Variants in MALT1 observed in about 807,000 individuals in gnomAD.
The protein encoded by MALT1 is mucosa-associated lymphoid tissue lymphoma translocation protein 1.
Under a neutral mutation model 85.5 loss-of-function variants are expected in MALT1, and 36 were observed. That is an observed-to-expected ratio of 0.42 (90% CI 0.32 to 0.56). The LOEUF (loss-of-function observed/expected upper bound fraction) is 0.56. MALT1 is among the 20% of genes least tolerant of loss of function. MALT1 has a pLI of 0.10. For missense variants in MALT1, 716 were observed against 981.6 expected (o/e 0.73, Z 3.62); for synonymous variants, 359 against 361.3 (o/e 0.99, Z 0.07).
At chr18:58,679,040 C>T (rs2054281443) in intron 1 of MALT1, among the ~76,000 whole-genome samples, 1 of 152,180 alleles carries the variant, frequency 6.6e-6, no homozygotes, top group Admixed American at 6.5e-5. Flanking sequence ...GAAAGTTTTT[C>T]TGTCGTTGAT....
chr18:58,704,786 TG>T (rs1183008887), intron 4 of MALT1, among the ~76,000 whole-genome samples: 2 of 150,674 alleles, frequency 1.3e-5, no homozygotes, highest in East Asian at 3.9e-4. Flanking sequence ...GTATAGTATA[TG>T]TTTTTCATTC....
chr18:58,703,604 G>A (rs904441042), intron 4 of MALT1, among the ~76,000 whole-genome samples: 5 of 152,110 alleles, frequency 3.3e-5, no homozygotes, highest in African/African-American at 1.2e-4. Context: ...GCAAACAGGG[G>A]AAATGCCAGA....
At chr18:58,690,180 C>T (rs1386200471) in intron 2 of MALT1, among the ~76,000 whole-genome samples, 1 of 152,196 alleles carries the variant, frequency 6.6e-6, no homozygotes, top group African/African-American at 2.4e-5. Context: ...ACCTTGGTAA[C>T]TCTTACAATA....
intron 3 of MALT1, among the ~76,000 whole-genome samples, chr18:58,698,700 A>G (rs1373566899): frequency 6.6e-6 from 1 of 152,234 alleles, no homozygotes; most frequent in Non-Finnish European, 1.5e-5. Flanking sequence ...GTGTGCATGC[A>G]AGAGCTTTCA....
chr18:58,715,809 A>T, intron 8 of MALT1, 126 bp from the exon 9 acceptor site: 1 of 708,556 alleles, frequency 1.4e-6, no homozygotes, highest in Non-Finnish European at 2.5e-6. Flanking sequence ...TGTTTTTATT[A>T]AAAATCTGAA....
chr18:58,709,006 A>G (rs1315926083), intron 4 of MALT1, among the ~76,000 whole-genome samples: 1 of 152,230 alleles, frequency 6.6e-6, no homozygotes, highest in Non-Finnish European at 1.5e-5. Flanking sequence ...AAATGCCAAT[A>G]TCGTTCAAGA....
intron 1 of MALT1, 112 bp from the exon 2 acceptor site, chr18:58,681,058 C>G: frequency 1.3e-6 from 1 of 794,464 alleles, no homozygotes; most frequent in Non-Finnish European, 2.0e-6. Context: ...TTTGTCACCA[C>G]CCACCCACTC....
At chr18:58,692,505 G>A (rs1305901960) in intron 2 of MALT1, among the ~76,000 whole-genome samples, 2 of 131,364 alleles carry the variant, frequency 1.5e-5, no homozygotes, top group Admixed American at 1.7e-4. Context: ...TCCCTCTTTG[G>A]GCCTCCCTAT....
Position 58,694,495 on chromosome 18 carries a change from AAGT to A in MALT1, c.377-1868_377-1866del, listed in dbSNP as rs139594252. Among the ~76,000 whole-genome samples, 322 of 152,380 alleles carry A rather than the reference AAGT, an allele frequency of 2.1e-3. 2 individuals carry two copies. The highest frequency in any genetic ancestry group is 7.0e-3 in the African/African-American group (293 of 41,586). The stretch of plus-strand genomic sequence containing the variant: ...CAGTATAGACAAGGAAAGAAAATAA[AAGT>A]AGGTGCAGGAAATTAAGTTTTATAA... On this transcript the variant is annotated intron_variant, in intron 2 of 16. Coordinates refer to ENST00000649217, the MANE Select transcript of MALT1 (RefSeq NM_006785.4).
intron 16 of MALT1, among the ~76,000 whole-genome samples, chr18:58,746,269 T>C (rs2055365666): frequency 6.6e-6 from 1 of 152,220 alleles, no homozygotes; most frequent in Non-Finnish European, 1.5e-5. Flanking sequence ...TCCTCCCTTC[T>C]TGGTCTCCCA....
rs147223821 is a variant in MALT1 at position 58,748,500 on chromosome 18, T to C, written c.*658T>C. ...TTTAGTTAAGAGGTTTGTATATAAA[T>C]CTGTTATAGAACAGGCTGAAATTTC... On this transcript the variant is annotated 3_prime_UTR_variant, in exon 17 of 17. Coordinates refer to ENST00000649217, the MANE Select transcript of MALT1 (RefSeq NM_006785.4). 1 of 184,966 alleles carries C rather than the reference T, an allele frequency of 5.4e-6. No homozygotes were observed. Among genetic ancestry groups the C allele is most frequent in the Non-Finnish European group, 1.1e-5 (1 of 86,958 alleles). 11.5% of individuals were successfully genotyped at this position (184,966 alleles called of 1,614,324 possible). A position where few individuals can be genotyped will look rare whatever the true frequency, so the allele number is the denominator to read the frequency against.
chr18:58,671,821 C>T lies in MALT1; in HGVS notation c.178C>T (p.Leu60=). ...EGRGWRRLAE[L]AGSRGRLRLS... ...CCGGGGCTGGAGGAGACTGGCGGAG[C>T]TGGCGGGGAGTCGCGGGCGCCTCCG... The change falls in exon 1 of 17, where the codon CTG becomes TTG. Residue 60 remains leucine, a synonymous_variant. Coordinates refer to ENST00000649217, the MANE Select transcript of MALT1 (RefSeq NM_006785.4). 8.1e-7 allele frequency: 1 copy of T among 1,233,470 alleles called. No homozygotes were observed. Among genetic ancestry groups the T allele is most frequent in the African/African-American group, 1.6e-5 (1 of 64,012 alleles). 76.4% of individuals were successfully genotyped at this position (1,233,470 alleles called of 1,614,324 possible). A position where few individuals can be genotyped will look rare whatever the true frequency, so the allele number is the denominator to read the frequency against.
chr18:58,692,136 C>G (rs946391981), intron 2 of MALT1: 8 of 150,894 alleles, frequency 5.3e-5, no homozygotes, highest in Non-Finnish European at 1.2e-4. Context: ...GTTTTTAGCT[C>G]TGTATTTACA....
At position 58,741,908 on chromosome 18, in the gene MALT1, G is replaced by A; in HGVS notation, c.1647G>A (p.Glu549=). ...TTACCAAAGGCAAACAGGCTCTAGA[G>A]ATTCGAAGTAGTTTATCTGAGAAGA... ...CHLTKGKQAL[E]IRSSLSEKRA... The change falls in exon 14 of 17, where the codon GAG becomes GAA. Residue 549 remains glutamate, a synonymous_variant. Transcript: ENST00000649217. The A allele has an allele frequency of 6.4e-7, 1 of 1,564,668 alleles. No individual in the cohort carries two copies. The highest frequency in any genetic ancestry group is 1.2e-5 in the South Asian group (1 of 85,390).
chr18:58,743,578 A>C (rs967053648), intron 14 of MALT1, among the ~76,000 whole-genome samples: 1 of 152,304 alleles, frequency 6.6e-6, no homozygotes, highest in African/African-American at 2.4e-5. Flanking sequence ...CATAAAACAA[A>C]ATGAAAAGGT....
At chr18:58,726,044 A>AAGCG (rs2144432890) in intron 10 of MALT1, among the ~76,000 whole-genome samples, 1 of 152,240 alleles carries the variant, frequency 6.6e-6, no homozygotes, top group African/African-American at 2.4e-5. Flanking sequence ...CTGGGCAACA[A>AAGCG]AGCGAGACTC....
At chr18:58,728,918 A>G (rs2055104884) in intron 10 of MALT1, among the ~76,000 whole-genome samples, 2 of 152,116 alleles carry the variant, frequency 1.3e-5, no homozygotes, top group Non-Finnish European at 2.9e-5. Context: ...AGCCAGACGT[A>G]TTACCTGACA....
At chr18:58,726,197 G>A (rs1183377346) in intron 10 of MALT1, among the ~76,000 whole-genome samples, 1 of 152,100 alleles carries the variant, frequency 6.6e-6, no homozygotes, top group Non-Finnish European at 1.5e-5. Flanking sequence ...AAAATAAAGA[G>A]GCATGTTAAA....
In MALT1 at chr18:58,736,108, C is replaced by T. The variant is rs889004493; in HGVS notation, c.1603+779C>T. Among the ~76,000 whole-genome samples the T allele has an allele frequency of 3.9e-5, 6 of 151,930 alleles. No homozygotes were observed. In the East Asian group the frequency reaches 7.7e-4, roughly 19 times the overall value. On this transcript the variant is annotated intron_variant, in intron 13 of 16. Coordinates refer to ENST00000649217, the MANE Select transcript of MALT1 (RefSeq NM_006785.4). ...TTCAAGACCAGCCTAGGCAACATAGCGAGACCCTGTCTTCAAAATAAAAAA... is the reference window on the plus strand; with the variant it reads ...TTCAAGACCAGCCTAGGCAACATAGTGAGACCCTGTCTTCAAAATAAAAAA...
Sources: gnomAD v4.1 joint callset for allele counts (sites outside exome capture counted in the v4.1 genomes callset) on GRCh38, gnomAD v4.1.1 for gene constraint, MANE v1.5 for transcripts, NCBI Gene and HGNC (gene_info 2026-07-23, HGNC 2026-07-21) for gene names.